The following LRIG1 variants were observed in gnomAD, a reference collection of about 807,000 sequenced individuals.
LRIG1 encodes the protein leucine rich repeats and immunoglobulin like domains 1, also known as leucine-rich repeats and immunoglobulin-like domains protein 1.
Under a neutral mutation model 99.2 loss-of-function variants are expected in LRIG1, and 48 were observed. The ratio of observed to expected loss-of-function variants is 0.48; its 90% CI spans 0.38 to 0.62. The LOEUF is 0.62. Among genes scored for constraint, LRIG1 ranks in the 20% least tolerant of loss-of-function variants. The pLI, the probability that LRIG1 is intolerant of heterozygous loss-of-function variation, is 0.00. For synonymous variants in LRIG1, 772 were observed against 596.1 expected, an observed-to-expected ratio of 1.29 and a Z score of -4.30; for missense variants, 1,646 against 1,434.4, an observed-to-expected ratio of 1.15 and a Z score of -2.38.
At position 66,414,173 on chromosome 3, in the gene LRIG1, G is replaced by A. The variant is rs142759041; in HGVS notation, c.647+747C>T. On this transcript the variant is annotated intron_variant, in intron 5 of 18. Transcript: ENST00000273261. ...AGCACTTTGGGAGGCCAAGGCAGGC[G>A]GATCACGAGGTCAGGAGATCGAGAC... 6.5e-3 allele frequency among the ~76,000 whole-genome samples: 995 copies of A among 152,036 alleles called. 7 individuals are homozygous for A. Among genetic ancestry groups the A allele is most frequent in the African/African-American group, 0.018 (738 of 41,492 alleles).
intron 3 of LRIG1, among the ~76,000 whole-genome samples, chr3:66,442,003 A>G (rs1330476836): frequency 6.6e-6 from 1 of 152,208 alleles, no homozygotes; most frequent in Non-Finnish European, 1.5e-5. Context: ...AACGCCTGCC[A>G]ATATCAGTGT....
rs530125177 is a variant in LRIG1, at chr3:66,454,910, T to C, written c.291-3277A>G. Reference sequence around the variant, plus strand: ...CATCATCATCAATCTTAATCAAATTTGGCTTCAACAATGTCAAACCAATGC... The same window carrying C: ...CATCATCATCAATCTTAATCAAATTCGGCTTCAACAATGTCAAACCAATGC... On this transcript the variant is annotated intron_variant, in intron 2 of 18. Coordinates refer to ENST00000273261, the MANE Select transcript of LRIG1 (RefSeq NM_015541.3). Among the ~76,000 whole-genome samples, 6 of 152,354 alleles carry C rather than the reference T, an allele frequency of 3.9e-5. No individual in the cohort carries two copies. In the South Asian group the frequency reaches 1.2e-3, roughly 32 times the overall value.
chr3:66,384,334 C>G, intron 13 of LRIG1, 62 bp from the exon 14 acceptor site: 1 of 1,522,140 alleles, frequency 6.6e-7, no homozygotes, highest in Non-Finnish European at 9.0e-7. Flanking sequence ...CCAGGAAGTC[C>G]TCTGGCAAAC....
At position 66,414,904 on chromosome 3, in the gene LRIG1, A is replaced by T. The variant is rs1156275777; in HGVS notation, c.647+16T>A. 6.4e-7 allele frequency: 1 copy of T among 1,565,434 alleles called. No homozygotes were observed. The highest frequency in any genetic ancestry group is 1.2e-5 in the South Asian group (1 of 82,678). On this transcript the variant is annotated intron_variant, in intron 5 of 18. Transcript: ENST00000273261. Reference sequence around the variant, plus strand: ...GTTTGGCTAGCCTTAATTAAAGTGTAGGTTTCTGTACTCACAGTTGTGTCA... The same window carrying T: ...GTTTGGCTAGCCTTAATTAAAGTGTTGGTTTCTGTACTCACAGTTGTGTCA...
chr3:66,461,834 C>T (rs1700361041), intron 2 of LRIG1, among the ~76,000 whole-genome samples: 1 of 152,202 alleles, frequency 6.6e-6, no homozygotes, highest in Admixed American at 6.5e-5. Context: ...CAAGGGACAG[C>T]AAGCCTAGAG....
At chr3:66,475,416 T>C (rs1700698782) in intron 1 of LRIG1, among the ~76,000 whole-genome samples, 1 of 152,204 alleles carries the variant, frequency 6.6e-6, no homozygotes, top group African/African-American at 2.4e-5. Flanking sequence ...GAGAGCAGTT[T>C]GCTGGAAAAG....
intron 8 of LRIG1, chr3:66,405,732 G>A (rs748938362): frequency 9.0e-6 from 10 of 1,116,558 alleles, no homozygotes; most frequent in South Asian, 4.2e-5. Flanking sequence ...GCACAGGGCC[G>A]GCCCGTGGGC....
intron 1 of LRIG1, among the ~76,000 whole-genome samples, chr3:66,489,278 C>A (rs144349201): frequency 1.1e-3 from 166 of 152,284 alleles, no homozygotes; most frequent in African/African-American, 3.7e-3. Context: ...AACCCCAGCA[C>A]TTTGGGAGGC....
At chr3:66,466,321 G>A (rs913546652) in intron 1 of LRIG1, among the ~76,000 whole-genome samples, 6 of 152,112 alleles carry the variant, frequency 3.9e-5, no homozygotes, top group African/African-American at 1.5e-4. Flanking sequence ...AGGATTACCG[G>A]AGTAAGCCAC....
rs114558895 is a variant in LRIG1, at chr3:66,490,344, T to C, written c.218+9846A>G. 3.9e-3 allele frequency among the ~76,000 whole-genome samples: 596 copies of C among 152,308 alleles called. 2 individuals carry two copies. The highest frequency in any genetic ancestry group is 0.013 in the African/African-American group (560 of 41,560). On this transcript the variant is annotated intron_variant, in intron 1 of 18. Coordinates refer to ENST00000273261, the MANE Select transcript of LRIG1 (RefSeq NM_015541.3). ...TGCAGCCTCTGCATCCATCACTTCATTGCATCAACAATTCACTTCCTGGAA... is the reference window on the plus strand; with the variant it reads ...TGCAGCCTCTGCATCCATCACTTCACTGCATCAACAATTCACTTCCTGGAA...
At chr3:66,426,121 T>C (rs1355873095) in intron 3 of LRIG1, among the ~76,000 whole-genome samples, 1 of 152,114 alleles carries the variant, frequency 6.6e-6, no homozygotes, top group Non-Finnish European at 1.5e-5. Flanking sequence ...GTGGGTCAAG[T>C]GGGTAATTTC....
At chr3:66,444,528 G>C (rs1391160924) in intron 3 of LRIG1, among the ~76,000 whole-genome samples, 1 of 152,188 alleles carries the variant, frequency 6.6e-6, no homozygotes, top group East Asian at 1.9e-4. Context: ...TGAGCCTTGG[G>C]GCTCCCCCCA....
intron 7 of LRIG1, among the ~76,000 whole-genome samples, chr3:66,408,210 A>G (rs971309024): frequency 4.6e-5 from 7 of 152,234 alleles, no homozygotes; most frequent in African/African-American, 1.7e-4. Context: ...GGGCAGGGAT[A>G]GGAAGATGGA....
intron 3 of LRIG1, among the ~76,000 whole-genome samples, chr3:66,443,844 C>T (rs1703627999): frequency 6.6e-6 from 1 of 152,186 alleles, no homozygotes; most frequent in Non-Finnish European, 1.5e-5. Flanking sequence ...ATTTTCATCT[C>T]TTTTGCCCAC....
At chr3:66,492,471 GT>G (rs1286485668) in intron 1 of LRIG1, among the ~76,000 whole-genome samples, 3 of 152,138 alleles carry the variant, frequency 2.0e-5, no homozygotes, top group African/African-American at 7.2e-5. Flanking sequence ...CGTTCATCGT[GT>G]TTCTCAAAGT....
At chr3:66,398,047 C>T in intron 11 of LRIG1, 65 bp downstream of exon 11, 1 of 1,310,824 alleles carries the variant, frequency 7.6e-7, no homozygotes, top group African/African-American at 1.5e-5. Context: ...AATGCAATTG[C>T]AGAAGTTTCT....
Position 66,382,979 on chromosome 3 carries a change from G to T in LRIG1, c.2491+3C>A. On this transcript the variant is annotated splice_donor_region_variant and intron_variant, in intron 15 of 18. Transcript: ENST00000273261. The stretch of plus-strand genomic sequence containing the variant: ...AAAGTCAGCTCCGCTGGCAGGGCCT[G>T]ACCTGTGTTGGTGACACTGTACTCT... 1.3e-6 allele frequency: 2 copies of T among 1,599,318 alleles called. No homozygotes were observed. The highest frequency in any genetic ancestry group is 2.2e-5 in the South Asian group (2 of 89,766).
In LRIG1 at chr3:66,500,656, T is replaced by G; in HGVS notation, c.-249A>C. ...TCCGGGCCGGCCGGCCCGCCCGCGC[T>G]AGCTGCGAACTCCGCCGATTCGGGC... On this transcript the variant is annotated 5_prime_UTR_variant, in exon 1 of 19. Coordinates refer to ENST00000273261, the MANE Select transcript of LRIG1 (RefSeq NM_015541.3). 1.9e-4 allele frequency: 53 copies of G among 272,408 alleles called. No homozygotes were observed. The highest frequency in any genetic ancestry group is 2.3e-4 in the Non-Finnish European group (34 of 146,170). 16.9% of individuals were successfully genotyped at this position (272,408 alleles called of 1,614,324 possible). A position where few individuals can be genotyped will look rare whatever the true frequency, so the allele number is the denominator to read the frequency against.
At chr3:66,450,083 CATTG>C (rs1483493493) in intron 3 of LRIG1, among the ~76,000 whole-genome samples, 1 of 152,232 alleles carries the variant, frequency 6.6e-6, no homozygotes, top group Non-Finnish European at 1.5e-5. Context: ...AAGACGAACT[CATTG>C]ATTAAGCCAA....
Sources: allele counts gnomAD v4.1 joint callset (sites outside exome capture counted in the v4.1 genomes callset), GRCh38; gene constraint gnomAD v4.1.1; transcripts MANE v1.5; gene names NCBI Gene and HGNC (gene_info 2026-07-23, HGNC 2026-07-21).